DOCK1: variants seen among roughly 807,000 people sequenced by gnomAD.
The protein encoded by DOCK1 is dedicator of cytokinesis 1, also known as dedicator of cytokinesis protein 1.
In DOCK1, 138 loss-of-function variants were observed where a neutral mutation model predicts 262.7. The ratio of observed to expected loss-of-function variants is 0.53; its 90% CI spans 0.46 to 0.61. The LOEUF (loss-of-function observed/expected upper bound fraction) is 0.61, where lower values mean the gene tolerates loss of function less well. Among genes scored for constraint, DOCK1 ranks in the 20% least tolerant of loss-of-function variants. The pLI, the probability that DOCK1 is intolerant of heterozygous loss-of-function variation, is 0.00. For synonymous variants in DOCK1, 866 were observed against 867.4 expected, an observed-to-expected ratio of 1.00 and a Z score of 0.03; for missense variants, 1,908 against 2,370.7, an observed-to-expected ratio of 0.80 and a Z score of 4.05.
intron 33 of DOCK1, among the ~76,000 whole-genome samples, chr10:127,373,017 A>G (rs1489816163): frequency 6.6e-6 from 1 of 152,230 alleles, no homozygotes; most frequent in East Asian, 1.9e-4. Context: ...GAGGATGGGG[A>G]AAACATGTCC....
intron 29 of DOCK1, among the ~76,000 whole-genome samples, chr10:127,326,853 T>A (rs2062766357): frequency 6.6e-6 from 1 of 152,250 alleles, no homozygotes; most frequent in African/African-American, 2.4e-5. Context: ...GTGGAATGGA[T>A]GTTGTGTTAG....
intron 6 of DOCK1, 108 bp downstream of exon 6, chr10:126,990,711 A>G: frequency 7.6e-7 from 1 of 1,322,456 alleles, no homozygotes; most frequent in Non-Finnish European, 1.0e-6. Context: ...CAAAATTTCT[A>G]CCATCAAAGT....
Position 127,299,841 on chromosome 10 carries a change from C to G in DOCK1, c.3045-39165C>G, listed in dbSNP as rs377564019. Among the ~76,000 whole-genome samples the G allele has an allele frequency of 2.3e-4, 35 of 152,244 alleles. No homozygotes were observed. In the East Asian group the frequency reaches 5.4e-3, roughly 24 times the overall value. On this transcript the variant is annotated intron_variant, in intron 29 of 51. Coordinates refer to ENST00000623213, the MANE Select transcript of DOCK1 (RefSeq NM_001290223.2). Reference sequence around the variant, plus strand: ...GGTTAGTTCAACCAAGCTGTTGGAGCCCATTCTTGCCTCAACCTAGTGAAA... The same window carrying G: ...GGTTAGTTCAACCAAGCTGTTGGAGGCCATTCTTGCCTCAACCTAGTGAAA...
chr10:127,127,775 G>C lies in DOCK1; in HGVS notation c.2847+11G>C. 6.2e-7 allele frequency: 1 copy of C among 1,605,668 alleles called. No homozygotes were observed. The highest frequency in any genetic ancestry group is 8.5e-7 in the Non-Finnish European group (1 of 1,173,396). On this transcript the variant is annotated intron_variant, in intron 27 of 51. Coordinates refer to ENST00000623213, the MANE Select transcript of DOCK1 (RefSeq NM_001290223.2). ...GATTCTGAACTCATTGTAAGTGCTT[G>C]GTGACATATGTTTGGATATTTAACT...
chr10:126,928,755 C>T (rs1428650596), intron 1 of DOCK1, among the ~76,000 whole-genome samples: 1 of 152,210 alleles, frequency 6.6e-6, no homozygotes, highest in Admixed American at 6.5e-5. Flanking sequence ...CGACCACAAG[C>T]CAAGGAGTGG....
rs2052456844 is a variant in DOCK1 at position 127,151,240 on chromosome 10, T to C, written c.2847+23476T>C. Among the ~76,000 whole-genome samples, 11 of 152,298 alleles carry C rather than the reference T, an allele frequency of 7.2e-5. 1 individual carries two copies. In the South Asian group the frequency reaches 2.3e-3, roughly 32 times the overall value. ...ATTTGATGAGCTATGTTCCACTTGG[T>C]AGTCACAGTGCAGTCTTTATTTGAA... On this transcript the variant is annotated intron_variant, in intron 27 of 51. Coordinates refer to ENST00000623213, the MANE Select transcript of DOCK1 (RefSeq NM_001290223.2).
chr10:127,342,088 G>A (rs940448458), intron 30 of DOCK1, among the ~76,000 whole-genome samples: 1 of 146,756 alleles, frequency 6.8e-6, no homozygotes, highest in African/African-American at 2.6e-5. Flanking sequence ...TGCTGTTGCT[G>A]TTGTTGTTGC....
Position 127,105,249 on chromosome 10 carries a change from T to G in DOCK1, c.2446-982T>G, listed in dbSNP as rs112081756. On this transcript the variant is annotated intron_variant, in intron 23 of 51. Coordinates refer to ENST00000623213, the MANE Select transcript of DOCK1 (RefSeq NM_001290223.2). ...CATTAAACCTCTTTCCTTTATAAAT[T>G]ACCCAGTCTCAGGTATTTCTTCATA... Among the ~76,000 whole-genome samples the G allele has an allele frequency of 9.7e-3, 1,481 of 152,280 alleles. 23 individuals carry two copies. Among genetic ancestry groups the G allele is most frequent in the African/African-American group, 0.033 (1,387 of 41,556 alleles).
rs2064498138 is a variant in DOCK1 at position 127,362,215 on chromosome 10, A to G, written c.3432+3A>G. 3.1e-6 allele frequency: 5 copies of G among 1,611,062 alleles called. No homozygotes were observed. The highest frequency in any genetic ancestry group is 4.2e-6 in the Non-Finnish European group (5 of 1,179,078). On this transcript the variant is annotated splice_donor_region_variant and intron_variant, in intron 33 of 51. Coordinates refer to ENST00000623213, the MANE Select transcript of DOCK1 (RefSeq NM_001290223.2). The stretch of plus-strand genomic sequence containing the variant: ...ATTCGACCCGAAGCTTCCAAATGGT[A>G]AGGACGTAGATGTGCAGCGAGTGGC...
chr10:127,200,262 C>T (rs2057392058), intron 27 of DOCK1, among the ~76,000 whole-genome samples: 2 of 152,164 alleles, frequency 1.3e-5, no homozygotes, highest in Non-Finnish European at 2.9e-5. Flanking sequence ...ACTCCATAGA[C>T]AGAGTGGGAC....
At position 127,450,082 on chromosome 10, in the gene DOCK1, C is replaced by T. The variant is rs139834074; in HGVS notation, c.5566-1250C>T. ...ACCTCAAAATAGATGTCTCTTTTAA[C>T]GGTTCTAACCAACCTTAAAAAGACT... On this transcript the variant is annotated intron_variant, in intron 51 of 51. Transcript: ENST00000623213. 5.8e-3 allele frequency among the ~76,000 whole-genome samples: 877 copies of T among 152,302 alleles called. 10 individuals are homozygous for T. Among genetic ancestry groups the T allele is most frequent in the African/African-American group, 0.02 (817 of 41,560 alleles).
intron 29 of DOCK1, among the ~76,000 whole-genome samples, chr10:127,298,411 A>G (rs1330278240): frequency 6.6e-6 from 1 of 152,222 alleles, no homozygotes; most frequent in Non-Finnish European, 1.5e-5. Flanking sequence ...ACTGAAATGA[A>G]ATCTTTTTGT....
At chr10:127,380,044 C>T in intron 35 of DOCK1, 38 bp from the exon 36 acceptor site, 1 of 1,388,466 alleles carries the variant, frequency 7.2e-7, no homozygotes, top group Non-Finnish European at 1.0e-6. Flanking sequence ...TTTTGTGGAA[C>T]AGATTTCTTA....
intron 1 of DOCK1, among the ~76,000 whole-genome samples, chr10:126,949,002 C>A (rs1173729837): frequency 2.0e-5 from 3 of 152,128 alleles, no homozygotes. Flanking sequence ...ACCCTGTTCC[C>A]TTTGTAACTG....
chr10:126,955,931 G>A (rs904382727), intron 1 of DOCK1, among the ~76,000 whole-genome samples: 16 of 152,274 alleles, frequency 1.1e-4, no homozygotes, highest in Admixed American at 3.3e-4. Flanking sequence ...GGTGTTGAGG[G>A]TAGCCTTTGG....
chr10:126,914,992 G>T (rs1048561311), intron 1 of DOCK1, among the ~76,000 whole-genome samples: 12 of 152,274 alleles, frequency 7.9e-5, no homozygotes, highest in African/African-American at 2.9e-4. Flanking sequence ...CTGGTCTGGG[G>T]GTGGTGCCCA....
chr10:126,951,086 G>A (rs1304958539), intron 1 of DOCK1, among the ~76,000 whole-genome samples: 1 of 151,488 alleles, frequency 6.6e-6, no homozygotes, highest in African/African-American at 2.4e-5. Flanking sequence ...AGTGTTTTTA[G>A]TATTGATGAT....
chr10:127,360,681 G>A (rs2064374389), intron 32 of DOCK1, among the ~76,000 whole-genome samples: 1 of 152,054 alleles, frequency 6.6e-6, no homozygotes, highest in African/African-American at 2.4e-5. Flanking sequence ...ATAAGGGAGT[G>A]GACAGCTCAA....
chr10:127,416,559 G>C (rs959198147), intron 44 of DOCK1, among the ~76,000 whole-genome samples: 1 of 152,202 alleles, frequency 6.6e-6, no homozygotes, highest in Admixed American at 6.5e-5. Flanking sequence ...AACAGACTAA[G>C]AGGGCAGGAA....
Sources: gnomAD v4.1 joint callset for allele counts (sites outside exome capture counted in the v4.1 genomes callset) on GRCh38, gnomAD v4.1.1 for gene constraint, MANE v1.5 for transcripts, NCBI Gene and HGNC (gene_info 2026-07-23, HGNC 2026-07-21) for gene names.